The following TRMT11 variants were observed in gnomAD, a reference collection of about 807,000 sequenced individuals.
The protein encoded by TRMT11 is tRNA methyltransferase 11.
A neutral mutation model predicts 62.8 loss-of-function variants in TRMT11; 53 were observed. That is an observed-to-expected ratio of 0.84 (90% confidence interval 0.68 to 1.06). The LOEUF (loss-of-function observed/expected upper bound fraction) is 1.06, where lower values mean the gene tolerates loss of function less well. Among genes scored for constraint, TRMT11 ranks in the 50% least tolerant of loss-of-function variants. The pLI, the probability that TRMT11 is intolerant of heterozygous loss-of-function variation, is 0.00. For missense variants in TRMT11, 556 were observed against 553.4 expected (o/e 1.00, Z -0.05); for synonymous variants, 188 against 190.3 (o/e 0.99, Z 0.10).
chr6:126,145,491 G>A (rs770972457), intron 21 of TRMT11, among the ~76,000 whole-genome samples: 10 of 152,250 alleles, frequency 6.6e-5, no homozygotes, highest in Non-Finnish European at 1.3e-4. Flanking sequence ...TCCATTTAGC[G>A]CCAGGCACCC....
intron 11 of TRMT11, among the ~76,000 whole-genome samples, chr6:126,016,084 T>C (rs1280989347): frequency 6.6e-6 from 1 of 152,200 alleles, no homozygotes; most frequent in South Asian, 2.1e-4. Context: ...TACACTAATA[T>C]CTTGTTTTTC....
chr6:126,167,866 T>C (rs904517223), intron 21 of TRMT11, among the ~76,000 whole-genome samples: 1 of 152,242 alleles, frequency 6.6e-6, no homozygotes, highest in Non-Finnish European at 1.5e-5. Context: ...GCCTCTGATA[T>C]TCACTGTGAC....
downstream of TRMT11, among the ~76,000 whole-genome samples, chr6:126,206,025 A>G (rs576017455): frequency 2.0e-5 from 3 of 152,202 alleles, no homozygotes. Context: ...ACTGCTGCCA[A>G]TTTGTAGGAA....
intron 17 of TRMT11, among the ~76,000 whole-genome samples, chr6:126,057,953 CTTTTTCT>C (rs1171194002): frequency 8.0e-6 from 1 of 124,508 alleles, no homozygotes; most frequent in East Asian, 6.1e-4. Flanking sequence ...TTCTTTTTTT[CTTTTTCT>C]TTTTTTTTTT....
At chr6:126,091,043 C>G (rs572787665) in intron 17 of TRMT11, among the ~76,000 whole-genome samples, 1 of 152,048 alleles carries the variant, frequency 6.6e-6, no homozygotes, top group Non-Finnish European at 1.5e-5. Flanking sequence ...AACCCAGTCT[C>G]TACTAAAAAT....
At chr6:126,238,391 A>G in the TRMT11 span, among the ~76,000 whole-genome samples, 1 of 152,068 alleles carries the variant, frequency 6.6e-6, no homozygotes, top group Non-Finnish European at 1.5e-5. Flanking sequence ...AATGTGTCCC[A>G]GAGATTCTGG....
At chr6:126,166,942 A>G (rs368854601) in intron 21 of TRMT11, among the ~76,000 whole-genome samples, 1 of 152,162 alleles carries the variant, frequency 6.6e-6, no homozygotes, top group Non-Finnish European at 1.5e-5. Context: ...TCAAGCCTCA[A>G]TAATGACCAG....
chr6:126,184,797 A>G (rs575096635), intron 1 of TRMT11, among the ~76,000 whole-genome samples: 3 of 152,252 alleles, frequency 2.0e-5, no homozygotes, highest in African/African-American at 7.2e-5. Context: ...TGTTGTCACT[A>G]TGGAGGAAAA....
At chr6:126,056,029 A>T (rs1776365025) in intron 17 of TRMT11, among the ~76,000 whole-genome samples, 1 of 152,234 alleles carries the variant, frequency 6.6e-6, no homozygotes. Context: ...ATGTGAAGCC[A>T]TCATTGAAGC....
chr6:126,260,124 A>G, the TRMT11 span, among the ~76,000 whole-genome samples: 4 of 152,202 alleles, frequency 2.6e-5, no homozygotes, highest in Non-Finnish European at 4.4e-5. Context: ...ATTGTTGTTT[A>G]ATAGATTCTT....
the TRMT11 span, among the ~76,000 whole-genome samples, chr6:126,213,259 T>C: frequency 2.2e-4 from 33 of 152,274 alleles, 1 homozygote; most frequent in South Asian, 6.8e-3. Flanking sequence ...TCTGGATCTC[T>C]TGTGAGTCCA....
rs372669495 is a variant in TRMT11 at position 126,200,893 on chromosome 6, T to C, written n.371+993T>C. Among the ~76,000 whole-genome samples the C allele has an allele frequency of 2.6e-5, 4 of 152,350 alleles. No homozygotes were observed. In the South Asian group the frequency reaches 6.2e-4, roughly 24 times the overall value. On this transcript the variant is annotated intron_variant and non_coding_transcript_variant, in intron 3 of 3. Transcript: ENST00000444229. ...AATAAAGGCTGACTCATCATTGGCCTGTCCTGATTTCTCTGACTAGGAGAA... is the reference window on the plus strand; with the variant it reads ...AATAAAGGCTGACTCATCATTGGCCCGTCCTGATTTCTCTGACTAGGAGAA...
At chr6:126,155,733 CTT>C (rs1450450336) in intron 21 of TRMT11, among the ~76,000 whole-genome samples, 1 of 152,074 alleles carries the variant, frequency 6.6e-6, no homozygotes, top group Non-Finnish European at 1.5e-5. Flanking sequence ...ATCTCTTTTT[CTT>C]TTTGAGACGG....
the TRMT11 span, among the ~76,000 whole-genome samples, chr6:126,269,736 T>G: frequency 6.6e-6 from 1 of 152,138 alleles, no homozygotes; most frequent in African/African-American, 2.4e-5. Flanking sequence ...GAGGAGGAGC[T>G]TTATGAAGTG....
At chr6:126,167,636 T>C (rs1001182871) in intron 21 of TRMT11, among the ~76,000 whole-genome samples, 3 of 152,192 alleles carry the variant, frequency 2.0e-5, no homozygotes, top group Admixed American at 2.0e-4. Context: ...AAATAAAGTA[T>C]GGGAATCAGT....
chr6:126,118,685 C>G (rs557290125), intron 21 of TRMT11, among the ~76,000 whole-genome samples: 73 of 151,904 alleles, frequency 4.8e-4, no homozygotes, highest in Non-Finnish European at 9.1e-4. Flanking sequence ...TTTTTTCTGA[C>G]ATTGTTTCTT....
chr6:126,206,721 C>T (rs1778795072), downstream of TRMT11, among the ~76,000 whole-genome samples: 1 of 152,130 alleles, frequency 6.6e-6, no homozygotes, highest in Non-Finnish European at 1.5e-5. Context: ...GATTGACTTC[C>T]TTCAAAACAT....
chr6:126,163,617 G>A lies in TRMT11; in HGVS notation c.*1824-11208G>A, dbSNP rs531985103. Among the ~76,000 whole-genome samples, 28 of 152,218 alleles carry A rather than the reference G, an allele frequency of 1.8e-4. No individual in the cohort carries two copies. In the South Asian group the frequency reaches 4.4e-3, roughly 24 times the overall value. ...CTTTTCTATTGTTTGGAATAGTTTCGTAAGGAATGGTACCAGCTCCTCTTT... is the reference window on the plus strand; with the variant it reads ...CTTTTCTATTGTTTGGAATAGTTTCATAAGGAATGGTACCAGCTCCTCTTT... On this transcript the variant is annotated intron_variant and NMD_transcript_variant, in intron 21 of 22. Coordinates refer to the TRMT11 transcript ENST00000648977.
At chr6:126,182,124 A>G (rs1778473127) in intron 1 of TRMT11, among the ~76,000 whole-genome samples, 1 of 152,194 alleles carries the variant, frequency 6.6e-6, no homozygotes, top group South Asian at 2.1e-4. Flanking sequence ...TGTAAATATT[A>G]CGTATTAACA....
Sources: gnomAD v4.1 joint callset for allele counts (sites outside exome capture counted in the v4.1 genomes callset) on GRCh38, gnomAD v4.1.1 for gene constraint, MANE v1.5 for transcripts, NCBI Gene and HGNC (gene_info 2026-07-23, HGNC 2026-07-21) for gene names.